GPC5: variants seen among roughly 807,000 people sequenced by gnomAD.
GPC5 encodes the protein glypican 5.
A neutral mutation model predicts 53.9 loss-of-function variants in GPC5; 47 were observed. The observed-to-expected ratio is 0.87, with a 90% CI of 0.69 to 1.11. The LOEUF (loss-of-function observed/expected upper bound fraction) is 1.11. Ranked by LOEUF, GPC5 falls within the 50% of genes most tolerant of loss-of-function variation. The probability of loss-of-function intolerance (pLI) is 0.00; values close to 1 mark genes in which losing one functional copy is unlikely to be tolerated. For synonymous variants in GPC5, 286 were observed against 263.3 expected (o/e 1.09, Z -0.84); for missense variants, 748 against 713.1 (o/e 1.05, Z -0.56).
At chr13:92,018,687 T>C (rs1351566068) in intron 6 of GPC5, among the ~76,000 whole-genome samples, 2 of 152,110 alleles carry the variant, frequency 1.3e-5, no homozygotes, top group East Asian at 1.9e-4. Context: ...GAAATCAAGA[T>C]TTTCAAATTC....
At chr13:91,587,296 C>T (rs1288042182) in intron 2 of GPC5, among the ~76,000 whole-genome samples, 1 of 152,156 alleles carries the variant, frequency 6.6e-6, no homozygotes, top group Non-Finnish European at 1.5e-5. Flanking sequence ...ACAACTAAAT[C>T]GAAGATTACT....
At chr13:92,597,395 T>A (rs1869769164) in intron 7 of GPC5, among the ~76,000 whole-genome samples, 1 of 152,174 alleles carries the variant, frequency 6.6e-6, no homozygotes, top group South Asian at 2.1e-4. Flanking sequence ...TTTAGCTACA[T>A]GATGTTTGAC....
intron 7 of GPC5, among the ~76,000 whole-genome samples, chr13:92,473,635 A>G (rs1442901866): frequency 1.3e-5 from 2 of 152,100 alleles, no homozygotes; most frequent in Non-Finnish European, 2.9e-5. Context: ...AAATGATGTG[A>G]ATATTTAAGT....
At chr13:92,713,199 T>C (rs1888200839) in intron 7 of GPC5, among the ~76,000 whole-genome samples, 1 of 151,914 alleles carries the variant, frequency 6.6e-6, no homozygotes, top group Non-Finnish European at 1.5e-5. Flanking sequence ...ATCAAGAATA[T>C]ATAAAGAACT....
At chr13:91,875,571 A>G (rs1313087629) in intron 5 of GPC5, among the ~76,000 whole-genome samples, 1 of 152,166 alleles carries the variant, frequency 6.6e-6, no homozygotes, top group Non-Finnish European at 1.5e-5. Context: ...TTTTCCTCCA[A>G]TAACATTTCT....
At chr13:92,701,014 C>A (rs573974542) in intron 7 of GPC5, among the ~76,000 whole-genome samples, 3 of 152,052 alleles carry the variant, frequency 2.0e-5, no homozygotes, top group African/African-American at 7.2e-5. Context: ...CTTCCCAATT[C>A]TTTGCTGTTT....
rs1294236546 is a variant in GPC5 at position 91,495,773 on chromosome 13, A to T, written c.325+46851A>T. Among the ~76,000 whole-genome samples the T allele has an allele frequency of 3.3e-5, 5 of 152,356 alleles. No individual in the cohort carries two copies. In the East Asian group the frequency reaches 7.7e-4, roughly 24 times the overall value. ...TGTGGCGGCTCACGCCTGGAATCCC[A>T]GCACTTTGGGAGGCCGAGGCGGGTG... On this transcript the variant is annotated intron_variant, in intron 2 of 7. Transcript: ENST00000377067.
chr13:91,594,986 ATTTATTT>A (rs2032939854), intron 2 of GPC5, among the ~76,000 whole-genome samples: 1 of 1,932 alleles, frequency 5.2e-4, no homozygotes. Flanking sequence ...TTTTATTTAC[ATTTATTT>A]ATTTATTTAT....
rs563966714 is a variant in GPC5, at chr13:92,225,141, A to G, written c.1561+80152A>G. Among the ~76,000 whole-genome samples, 56 of 152,310 alleles carry G rather than the reference A, an allele frequency of 3.7e-4. No homozygotes were observed. The South Asian group carries it at 0.012, about 32-fold the overall frequency. On this transcript the variant is annotated intron_variant, in intron 7 of 7. Coordinates refer to ENST00000377067, the MANE Select transcript of GPC5 (RefSeq NM_004466.6). The stretch of plus-strand genomic sequence containing the variant: ...CTTGGCCAGGATGAAACCTTGCTCA[A>G]GATGATCCCTGATTTCCTTATTGTT...
intron 5 of GPC5, among the ~76,000 whole-genome samples, chr13:91,902,231 A>G (rs1321605529): frequency 6.6e-6 from 1 of 152,046 alleles, no homozygotes; most frequent in African/African-American, 2.4e-5. Context: ...CCAATAGGGC[A>G]TGGTATCAGT....
At chr13:91,538,923 A>C (rs1428541178) in intron 2 of GPC5, among the ~76,000 whole-genome samples, 1 of 151,488 alleles carries the variant, frequency 6.6e-6, no homozygotes, top group Non-Finnish European at 1.5e-5. Flanking sequence ...TAGAGTTGTA[A>C]TTTATTTTTG....
intron 7 of GPC5, among the ~76,000 whole-genome samples, chr13:92,631,516 G>T (rs1885238511): frequency 6.6e-6 from 1 of 152,148 alleles, no homozygotes; most frequent in Non-Finnish European, 1.5e-5. Context: ...CCATATGGAA[G>T]ATGATATCAG....
chr13:92,783,850 G>A (rs1322842332), intron 7 of GPC5, among the ~76,000 whole-genome samples: 1 of 152,122 alleles, frequency 6.6e-6, no homozygotes, highest in African/African-American at 2.4e-5. Context: ...TCAGAAGCCA[G>A]TTTAAGAAGA....
intron 5 of GPC5, among the ~76,000 whole-genome samples, chr13:91,771,465 C>T (rs574888577): frequency 6.6e-6 from 1 of 152,210 alleles, no homozygotes; most frequent in East Asian, 1.9e-4. Flanking sequence ...AACAAAAGAG[C>T]ATGAATTGCA....
At chr13:92,398,428 C>CAAAAAAAAAAAAAAGAAAAAAAAAAA (rs1875391277) in intron 7 of GPC5, among the ~76,000 whole-genome samples, 1 of 87,672 alleles carries the variant, frequency 1.1e-5, no homozygotes, top group African/African-American at 5.1e-5. Context: ...GACTCCGTCT[C>CAAAAAAAAAAAAAAGAAAAAAAAAAA]AAAAAAAAAA....
At chr13:91,656,386 A>G (rs1426083241) in intron 2 of GPC5, among the ~76,000 whole-genome samples, 2 of 152,174 alleles carry the variant, frequency 1.3e-5, no homozygotes, top group African/African-American at 2.4e-5. Flanking sequence ...AATGGAAACA[A>G]TGATTGCAGA....
intron 1 of GPC5, among the ~76,000 whole-genome samples, chr13:91,423,714 G>A (rs1328227550): frequency 6.6e-6 from 1 of 152,202 alleles, no homozygotes; most frequent in East Asian, 1.9e-4. Context: ...TGGGAAAAGA[G>A]TGGATTTTAA....
chr13:91,487,582 G>T (rs1883685716), intron 2 of GPC5, among the ~76,000 whole-genome samples: 1 of 152,166 alleles, frequency 6.6e-6, no homozygotes, highest in Non-Finnish European at 1.5e-5. Context: ...ATCTAAAATA[G>T]TATACCGTGG....
At chr13:91,680,381 G>A (rs1487052878) in intron 2 of GPC5, among the ~76,000 whole-genome samples, 2 of 152,120 alleles carry the variant, frequency 1.3e-5, no homozygotes, top group Non-Finnish European at 2.9e-5. Flanking sequence ...CCAGGGAGGC[G>A]GAGGTTGCAG....
Sources: allele counts gnomAD v4.1 joint callset (sites outside exome capture counted in the v4.1 genomes callset), GRCh38; gene constraint gnomAD v4.1.1; transcripts MANE v1.5; gene names NCBI Gene and HGNC (gene_info 2026-07-23, HGNC 2026-07-21).